The following IGF1R variants were observed in gnomAD, a reference collection of about 807,000 sequenced individuals.
The protein encoded by IGF1R is insulin like growth factor 1 receptor.
A neutral mutation model predicts 144.6 loss-of-function variants in IGF1R; 44 were observed. That is an observed-to-expected ratio of 0.30 (90% CI 0.24 to 0.39). The LOEUF (loss-of-function observed/expected upper bound fraction) is 0.39, where lower values mean the gene tolerates loss of function less well. Ranked by LOEUF, IGF1R falls within the 10% of genes least tolerant of loss-of-function variation. The probability of loss-of-function intolerance (pLI) is 1.00; values close to 1 mark genes in which losing one functional copy is unlikely to be tolerated. For missense variants in IGF1R, 1,355 were observed against 1,833.7 expected (o/e 0.74, Z 4.77); for synonymous variants, 795 against 722.8 (o/e 1.10, Z -1.60).
In IGF1R at chr15:98,683,801, C is replaced by T. The variant is rs886578007; in HGVS notation, c.95-23761C>T. On this transcript the variant is annotated intron_variant, in intron 1 of 20. Transcript: ENST00000650285. Reference sequence around the variant, plus strand: ...CAGAAGCCAAGAAAGGGCACAAAGGCGTGGATATTTGGAAATCGGGACATA... The same window carrying T: ...CAGAAGCCAAGAAAGGGCACAAAGGTGTGGATATTTGGAAATCGGGACATA... 2.6e-5 allele frequency among the ~76,000 whole-genome samples: 4 copies of T among 152,074 alleles called. No individual in the cohort carries two copies. The East Asian group carries it at 5.8e-4, about 22-fold the overall frequency.
intron 1 of IGF1R, among the ~76,000 whole-genome samples, chr15:98,667,382 G>C (rs186885693): frequency 2.6e-5 from 4 of 152,118 alleles, no homozygotes; most frequent in African/African-American, 7.2e-5. Flanking sequence ...CATTACAGAG[G>C]GGGGAGCCCT....
intron 19 of IGF1R, among the ~76,000 whole-genome samples, chr15:98,948,261 T>C (rs1234853783): frequency 1.3e-5 from 2 of 152,190 alleles, no homozygotes; most frequent in Non-Finnish European, 1.5e-5. Context: ...AGGTAGATGC[T>C]GAACCCAGTA....
intron 1 of IGF1R, among the ~76,000 whole-genome samples, chr15:98,703,072 A>G (rs1488662647): frequency 2.6e-5 from 4 of 151,992 alleles, no homozygotes; most frequent in Non-Finnish European, 4.4e-5. Flanking sequence ...TGCTGTTGCC[A>G]TTCTCTGGCT....
intron 2 of IGF1R, among the ~76,000 whole-genome samples, chr15:98,766,983 C>T (rs930737346): frequency 1.3e-5 from 2 of 152,266 alleles, no homozygotes; most frequent in Non-Finnish European, 1.5e-5. Context: ...GGACCAGGCT[C>T]GGTGTAGAGA....
rs1214970826 is a variant in IGF1R at position 98,649,515 on chromosome 15, CTTTT to C, written c.-66_-63del. On this transcript the variant is annotated 5_prime_UTR_variant, in exon 1 of 21. Coordinates refer to ENST00000650285, the MANE Select transcript of IGF1R (RefSeq NM_000875.5). ...TTGTTTCCTTTCATTTCCTTTTTTT[CTTTT>C]CTTTTCTTTTTTTTTTTTTTTTTTT... The C allele has an allele frequency of 4.7e-5, 45 of 956,776 alleles. 1 individual carries two copies. The East Asian group carries it at 9.5e-4, about 20-fold the overall frequency. 59.3% of individuals were successfully genotyped at this position (956,776 alleles called of 1,614,324 possible). A position where few individuals can be genotyped will look rare whatever the true frequency, so the allele number is the denominator to read the frequency against.
chr15:98,684,106 G>A (rs978584927), intron 1 of IGF1R, among the ~76,000 whole-genome samples: 2 of 152,124 alleles, frequency 1.3e-5, no homozygotes, highest in African/African-American at 4.8e-5. Context: ...GCCTCAACAT[G>A]TCACAGCTTT....
At chr15:98,784,497 C>G (rs1157322404) in intron 2 of IGF1R, 1 of 153,764 alleles carries the variant, frequency 6.5e-6, no homozygotes, top group Non-Finnish European at 1.5e-5. Context: ...CAGAGTTGGC[C>G]AAAATACACA....
intron 2 of IGF1R, among the ~76,000 whole-genome samples, chr15:98,850,286 T>C (rs544381343): frequency 6.6e-6 from 1 of 152,224 alleles, no homozygotes; most frequent in African/African-American, 2.4e-5. Context: ...GAATGAAGGT[T>C]GAGAAGGAGC....
chr15:98,681,002 A>C (rs2053174777), intron 1 of IGF1R, among the ~76,000 whole-genome samples: 1 of 152,008 alleles, frequency 6.6e-6, no homozygotes, highest in Non-Finnish European at 1.5e-5. Context: ...ACAGGTTTGC[A>C]GGTTGGTAGC....
intron 2 of IGF1R, among the ~76,000 whole-genome samples, chr15:98,733,737 G>A (rs955028274): frequency 1.3e-5 from 2 of 152,082 alleles, no homozygotes; most frequent in Non-Finnish European, 2.9e-5. Flanking sequence ...GTGGAACATG[G>A]GACTGTTTGC....
intron 5 of IGF1R, among the ~76,000 whole-genome samples, chr15:98,908,272 G>A (rs74032103): frequency 6.6e-6 from 1 of 152,198 alleles, no homozygotes; most frequent in African/African-American, 2.4e-5. Flanking sequence ...TGGATAATGG[G>A]AGACTTTAGA....
At chr15:98,763,783 A>G (rs1246047154) in intron 2 of IGF1R, among the ~76,000 whole-genome samples, 1 of 152,194 alleles carries the variant, frequency 6.6e-6, no homozygotes, top group Non-Finnish European at 1.5e-5. Flanking sequence ...AATAAAGCCT[A>G]CTTCCAAATG....
intron 2 of IGF1R, among the ~76,000 whole-genome samples, chr15:98,729,056 A>G (rs995279887): frequency 6.6e-6 from 1 of 152,226 alleles, no homozygotes; most frequent in African/African-American, 2.4e-5. Flanking sequence ...AGCTGATACT[A>G]TCATAATTTT....
At chr15:98,767,608 G>A (rs2055466860) in intron 2 of IGF1R, among the ~76,000 whole-genome samples, 1 of 152,220 alleles carries the variant, frequency 6.6e-6, no homozygotes, top group African/African-American at 2.4e-5. Context: ...CAGTTTGCAA[G>A]TGCAGCGAAT....
At chr15:98,922,565 G>A in intron 11 of IGF1R, 134 bp downstream of exon 11, 2 of 1,048,098 alleles carry the variant, frequency 1.9e-6, no homozygotes, top group Non-Finnish European at 2.9e-6. Flanking sequence ...ATAACGTGCA[G>A]TCATTGGCAG....
At chr15:98,920,711 G>A (rs942240859) in intron 10 of IGF1R, among the ~76,000 whole-genome samples, 4 of 152,104 alleles carry the variant, frequency 2.6e-5, no homozygotes, top group African/African-American at 7.2e-5. Context: ...AAATGTACAC[G>A]CCCTGACCTT....
At chr15:98,759,246 A>G (rs1198189478) in intron 2 of IGF1R, among the ~76,000 whole-genome samples, 1 of 152,218 alleles carries the variant, frequency 6.6e-6, no homozygotes, top group Non-Finnish European at 1.5e-5. Flanking sequence ...GGGTATTGCC[A>G]TCTGTATCTC....
rs577574631 is a variant in IGF1R, at chr15:98,669,755, G to C, written c.94+20080G>C. ...GTGTCTGCCCCAGGCTGTGCAGTCA[G>C]CCCCGTGTTCTAGCTTCCCGTGCCG... On this transcript the variant is annotated intron_variant, in intron 1 of 20. Transcript: ENST00000650285. 4.6e-5 allele frequency among the ~76,000 whole-genome samples: 7 copies of C among 152,306 alleles called. No individual in the cohort carries two copies. In the East Asian group the frequency reaches 1.4e-3, roughly 29 times the overall value.
chr15:98,912,887 C>G (rs1220733622), intron 7 of IGF1R, among the ~76,000 whole-genome samples, 157 bp from the exon 8 acceptor site: 1 of 152,228 alleles, frequency 6.6e-6, no homozygotes, highest in Non-Finnish European at 1.5e-5. Flanking sequence ...GCCCAGAGTC[C>G]AGTCACTTCA....
Sources: allele counts gnomAD v4.1 joint callset (sites outside exome capture counted in the v4.1 genomes callset), GRCh38; gene constraint gnomAD v4.1.1; transcripts MANE v1.5; gene names NCBI Gene and HGNC (gene_info 2026-07-23, HGNC 2026-07-21).